Variants in SBF2 observed in about 807,000 individuals in gnomAD.
The protein encoded by SBF2 is SET binding factor 2.
Under a neutral mutation model 225.2 loss-of-function variants are expected in SBF2, and 112 were observed. That is an observed-to-expected ratio of 0.50 (90% CI 0.43 to 0.58). The LOEUF (loss-of-function observed/expected upper bound fraction) is 0.58. Among genes scored for constraint, SBF2 ranks in the 20% least tolerant of loss-of-function variants. The probability of loss-of-function intolerance (pLI) is 0.00; values close to 1 mark genes in which losing one functional copy is unlikely to be tolerated. For synonymous variants in SBF2, 763 were observed against 773.3 expected (o/e 0.99, Z 0.22); for missense variants, 1,996 against 2,206.2 (o/e 0.90, Z 1.91).
chr11:10,017,285 T>C (rs1948692455), intron 6 of SBF2, among the ~76,000 whole-genome samples: 1 of 152,210 alleles, frequency 6.6e-6, no homozygotes, highest in Non-Finnish European at 1.5e-5. Flanking sequence ...AGCTTTCAAA[T>C]GGATAAACAG....
intron 17 of SBF2, among the ~76,000 whole-genome samples, chr11:9,872,238 TG>T (rs1243399567): frequency 2.0e-5 from 3 of 152,198 alleles, no homozygotes; most frequent in Non-Finnish European, 4.4e-5. Context: ...TAACACTGCA[TG>T]TTCTTACTTA....
intron 16 of SBF2, among the ~76,000 whole-genome samples, chr11:9,902,959 TA>T (rs34639251): frequency 0.66 from 92,584 of 141,298 alleles, 29,183 homozygotes; most frequent in African/African-American, 0.7. Flanking sequence ...AATAGGAAAA[TA>T]AAAAAAAAAA....
intron 2 of SBF2, among the ~76,000 whole-genome samples, chr11:10,110,004 C>T (rs1952758644): frequency 6.6e-6 from 1 of 152,308 alleles, no homozygotes; most frequent in African/African-American, 2.4e-5. Context: ...ATTCTGCAAA[C>T]CCATGAGTAC....
intron 9 of SBF2, among the ~76,000 whole-genome samples, chr11:9,996,947 G>A (rs1421318459): frequency 1.3e-5 from 2 of 152,142 alleles, no homozygotes; most frequent in East Asian, 3.9e-4. Flanking sequence ...ATACCAAGTG[G>A]CAGAACACAG....
chr11:9,853,026 T>C (rs1261857849), intron 20 of SBF2, among the ~76,000 whole-genome samples: 2 of 152,138 alleles, frequency 1.3e-5, no homozygotes, highest in Non-Finnish European at 2.9e-5. Context: ...AACAGATGAA[T>C]GGATAAAATG....
chr11:10,226,810 A>T (rs373064885), intron 1 of SBF2, among the ~76,000 whole-genome samples: 2 of 152,220 alleles, frequency 1.3e-5, no homozygotes, highest in East Asian at 1.9e-4. Flanking sequence ...GTGTCTTTAT[A>T]GCAGCATGAT....
chr11:10,175,758 G>A (rs1424714298), intron 2 of SBF2, among the ~76,000 whole-genome samples: 1 of 151,724 alleles, frequency 6.6e-6, no homozygotes, highest in Non-Finnish European at 1.5e-5. Flanking sequence ...CCACATACTT[G>A]GAAGTAAAGC....
chr11:9,957,779 T>A (rs1437536344), intron 16 of SBF2: 1 of 152,070 alleles, frequency 6.6e-6, no homozygotes, highest in Non-Finnish European at 1.5e-5. Flanking sequence ...CATTTAAATA[T>A]AAAAACACTA....
At chr11:9,854,579 G>T (rs1857184868) in intron 19 of SBF2, among the ~76,000 whole-genome samples, 1 of 152,062 alleles carries the variant, frequency 6.6e-6, no homozygotes, top group South Asian at 2.1e-4. Context: ...ATTATTATTT[G>T]TTTATATTTA....
chr11:10,093,395 AAC>A (rs1491383169), intron 2 of SBF2, among the ~76,000 whole-genome samples: 3 of 145,130 alleles, frequency 2.1e-5, no homozygotes, highest in African/African-American at 7.5e-5. Flanking sequence ...AAAAAAAAAA[AAC>A]AAAAAAAAAT....
chr11:10,205,478 A>C (rs1957722001), intron 1 of SBF2, among the ~76,000 whole-genome samples: 1 of 151,812 alleles, frequency 6.6e-6, no homozygotes, highest in Non-Finnish European at 1.5e-5. Context: ...TGGAGGAACA[A>C]CACAATGGCA....
At chr11:9,809,382 A>AGT (rs1854040686) in intron 30 of SBF2, 1 of 183,298 alleles carries the variant, frequency 5.5e-6, no homozygotes, top group Non-Finnish European at 1.2e-5. Context: ...AATGAAATAA[A>AGT]ATTACCTTAC....
intron 3 of SBF2, among the ~76,000 whole-genome samples, chr11:10,040,149 T>A (rs1949598418): frequency 6.6e-6 from 1 of 152,008 alleles, no homozygotes; most frequent in African/African-American, 2.4e-5. Context: ...AGTAGGATAT[T>A]TGCATAGTGT....
intron 2 of SBF2, among the ~76,000 whole-genome samples, chr11:10,187,589 A>G (rs1956982777): frequency 6.6e-6 from 1 of 151,966 alleles, no homozygotes; most frequent in Admixed American, 6.6e-5. Flanking sequence ...GAGCTTTGGA[A>G]TAAACTCACT....
At chr11:10,073,687 T>G (rs1330179834) in intron 2 of SBF2, among the ~76,000 whole-genome samples, 1 of 152,036 alleles carries the variant, frequency 6.6e-6, no homozygotes, top group Non-Finnish European at 1.5e-5. Flanking sequence ...ATCGCACTAC[T>G]GCACTCTAGC....
At chr11:10,084,677 C>G (rs892526985) in intron 2 of SBF2, among the ~76,000 whole-genome samples, 3 of 152,090 alleles carry the variant, frequency 2.0e-5, no homozygotes, top group Non-Finnish European at 4.4e-5. Flanking sequence ...GATATGAAAC[C>G]AAACTAAGTG....
chr11:9,875,628 T>C (rs1288115645), intron 17 of SBF2, among the ~76,000 whole-genome samples: 3 of 151,874 alleles, frequency 2.0e-5, no homozygotes, highest in African/African-American at 7.3e-5. Context: ...GCCAGTGAAG[T>C]GGAAAAAAGG....
chr11:10,289,732 C>T (rs531401201), intron 1 of SBF2, among the ~76,000 whole-genome samples: 10 of 152,266 alleles, frequency 6.6e-5, no homozygotes, highest in African/African-American at 2.4e-4. Flanking sequence ...GTGGTGACCA[C>T]GCTGCTGGCT....
intron 37 of SBF2, chr11:9,784,865 A>C (rs1852268247): frequency 3.7e-6 from 2 of 543,876 alleles, no homozygotes. Context: ...ATGTTCCCTC[A>C]AACGTTCTGG....
Sources: allele counts gnomAD v4.1 joint callset (sites outside exome capture counted in the v4.1 genomes callset), GRCh38; gene constraint gnomAD v4.1.1; transcripts MANE v1.5; gene names NCBI Gene and HGNC (gene_info 2026-07-23, HGNC 2026-07-21).